RWDD4: variants seen among roughly 807,000 people sequenced by gnomAD.
RWDD4 encodes the protein RWD domain containing 4.
RWDD4 carries 16 observed loss-of-function variants against 30.0 expected under a neutral mutation model. The ratio of observed to expected loss-of-function variants is 0.53; its 90% CI spans 0.36 to 0.81. The LOEUF (loss-of-function observed/expected upper bound fraction) is 0.81, where lower values mean the gene tolerates loss of function less well. RWDD4 is among the 30% of genes least tolerant of loss of function. The probability of loss-of-function intolerance (pLI) is 0.00; values close to 1 mark genes in which losing one functional copy is unlikely to be tolerated. For missense variants in RWDD4, 170 were observed against 223.9 expected (o/e 0.76, Z 1.54); for synonymous variants, 45 against 72.1 (o/e 0.62, Z 1.90).
At chr4:183,648,249 A>AAAAAAT (rs749539974) in intron 5 of RWDD4, among the ~76,000 whole-genome samples, 1 of 142,250 alleles carries the variant, frequency 7.0e-6, no homozygotes, top group Non-Finnish European at 1.5e-5. Flanking sequence ...AAGAAAAAAG[A>AAAAAAT]AAAAAAAAAA....
At chr4:183,645,599 C>CAAAA (rs11310523) in intron 7 of RWDD4, among the ~76,000 whole-genome samples, 1 of 111,520 alleles carries the variant, frequency 9.0e-6, no homozygotes, top group African/African-American at 3.4e-5. Context: ...TCTGTCTCTG[C>CAAAA]AAAAAAAAAA....
Position 183,651,110 on chromosome 4 carries a change from A to G in RWDD4, c.237T>C (p.Ser79=), listed in dbSNP as rs758886270. Residue 79 remains serine (S), a synonymous_variant, in exon 4 of 8, where the codon AGT becomes AGC. Transcript: ENST00000326397. The part of the protein sequence containing the change: ...NNTISSAVKQ[S]ILAKLQEAVE... ...CTGCTTCCTGTAGCTTGGCTAATAT[A>G]CTCTGCTTTACAGCTGATGATCTAC... 2.5e-6 allele frequency: 4 copies of G among 1,614,004 alleles called. No individual in the cohort carries two copies. Among genetic ancestry groups the G allele is most frequent in the African/African-American group, 2.7e-5 (2 of 74,940 alleles).
chr4:183,645,179 TTG>T lies in RWDD4; in HGVS notation c.534+1170_534+1171del, dbSNP rs1733944028. Reference sequence around the variant, plus strand: ...TACACTGCTTGTAAATTACCTGTATTTGTGGGTCCTCACTAAAATCCTAATCT... The same window carrying T: ...TACACTGCTTGTAAATTACCTGTATTTGGGTCCTCACTAAAATCCTAATCT... On this transcript the variant is annotated intron_variant, in intron 7 of 7. Transcript: ENST00000326397. 5.3e-5 allele frequency among the ~76,000 whole-genome samples: 8 copies of T among 152,316 alleles called. No homozygotes were observed. In the South Asian group the frequency reaches 1.7e-3, roughly 32 times the overall value.
At chr4:183,653,144 T>C (rs113448682) in intron 2 of RWDD4, among the ~76,000 whole-genome samples, 2,195 of 152,344 alleles carry the variant, frequency 0.014, 26 homozygotes, top group Non-Finnish European at 0.018. Context: ...TGATGTGGCA[T>C]CTTCCCATAG....
chr4:183,641,984 G>C (rs1445589256), intron 7 of RWDD4, among the ~76,000 whole-genome samples: 4 of 151,844 alleles, frequency 2.6e-5, no homozygotes, highest in Non-Finnish European at 5.9e-5. Context: ...CTTTGGCAGG[G>C]GTTGGCAAAT....
chr4:183,647,461 A>G (rs1052501179), intron 5 of RWDD4, among the ~76,000 whole-genome samples: 10 of 152,164 alleles, frequency 6.6e-5, no homozygotes, highest in African/African-American at 2.4e-4. Context: ...GGGGCACATC[A>G]CCAATTTTGG....
rs528406342 is a variant in RWDD4 at position 183,658,025 on chromosome 4, C to T, written c.24+904G>A. On this transcript the variant is annotated intron_variant, in intron 1 of 7. Transcript: ENST00000326397. ...TTCTTTGCTTTGCAGGGAGAAGAAG[C>T]TATTAACGCATTCACTTAGAAATTC... Among the ~76,000 whole-genome samples the T allele has an allele frequency of 9.2e-5, 14 of 152,312 alleles. 1 individual carries two copies. The South Asian group carries it at 2.9e-3, about 32-fold the overall frequency.
chr4:183,649,291 A>T lies in RWDD4; in HGVS notation c.481+160T>A, dbSNP rs561796261. Among the ~76,000 whole-genome samples, 123 of 152,180 alleles carry T rather than the reference A, an allele frequency of 8.1e-4. 2 individuals are homozygous for T. Among genetic ancestry groups the T allele is most frequent in the Non-Finnish European group, 9.1e-4 (62 of 67,996 alleles). ...TAGCCAGGTGTGGTGGCATGCGCCT[A>T]TAATCCCAACTACTCGGGAGGCTGA... is the stretch of plus-strand genomic sequence containing the variant. On this transcript the variant is annotated intron_variant, in intron 5 of 7. Transcript: ENST00000326397.
chr4:183,650,945 C>T (rs776397053), intron 4 of RWDD4, 39 bp downstream of exon 4: 15 of 1,587,584 alleles, frequency 9.4e-6, no homozygotes, highest in Non-Finnish European at 1.3e-5. Flanking sequence ...AAAACCAAAA[C>T]AACAAAAGAA....
intron 2 of RWDD4, among the ~76,000 whole-genome samples, chr4:183,654,770 A>C (rs1450864004): frequency 6.6e-6 from 1 of 152,160 alleles, no homozygotes; most frequent in East Asian, 1.9e-4. Context: ...AGATGGTGTA[A>C]GGACTGTTAA....
At chr4:183,658,551 G>GC (rs1734269314) in intron 1 of RWDD4, among the ~76,000 whole-genome samples, 1 of 152,296 alleles carries the variant, frequency 6.6e-6, no homozygotes, top group East Asian at 1.9e-4. Context: ...CCCTCTACTA[G>GC]CCAAGAGATT....
At chr4:183,654,200 A>G (rs1734138809) in intron 2 of RWDD4, among the ~76,000 whole-genome samples, 1 of 152,226 alleles carries the variant, frequency 6.6e-6, no homozygotes, top group African/African-American at 2.4e-5. Context: ...AGAAACAAAC[A>G]GAAGGATTTG....
intron 7 of RWDD4, among the ~76,000 whole-genome samples, chr4:183,642,000 G>C (rs1036498290): frequency 2.6e-5 from 4 of 151,890 alleles, no homozygotes; most frequent in African/African-American, 9.7e-5. Context: ...CAAATTTGGG[G>C]TAAGGGGAGG....
chr4:183,658,450 G>T (rs1166176278), intron 1 of RWDD4, among the ~76,000 whole-genome samples: 3 of 152,142 alleles, frequency 2.0e-5, no homozygotes, highest in Non-Finnish European at 2.9e-5. Context: ...CAGACAGATG[G>T]GTAAAAGATT....
At chr4:183,655,851 C>A (rs1384071300) in intron 2 of RWDD4, 30 bp downstream of exon 2, 9 of 1,412,660 alleles carry the variant, frequency 6.4e-6, no homozygotes, top group Non-Finnish European at 7.9e-6. Flanking sequence ...TAGAAAAGTT[C>A]TAAGTGCTCT....
chr4:183,648,880 G>C (rs1734018556), intron 5 of RWDD4, among the ~76,000 whole-genome samples: 1 of 150,076 alleles, frequency 6.7e-6, no homozygotes, highest in Non-Finnish European at 1.5e-5. Context: ...GAGTTTTGCT[G>C]TTGTTGCCCA....
chr4:183,654,912 T>A (rs114652073), intron 2 of RWDD4, among the ~76,000 whole-genome samples: 10,257 of 150,862 alleles, frequency 0.068, 1,149 homozygotes, highest in African/African-American at 0.24. Context: ...CAAAAAAAAC[T>A]TCCCCATTCC....
At chr4:183,653,820 C>T (rs1734130578) in intron 2 of RWDD4, 1 of 152,242 alleles carries the variant, frequency 6.6e-6, no homozygotes, top group African/African-American at 2.4e-5. Flanking sequence ...ATGCCTCACA[C>T]TGTGCTGGGT....
At chr4:183,650,537 C>T (rs1477886643) in intron 4 of RWDD4, among the ~76,000 whole-genome samples, 1 of 152,088 alleles carries the variant, frequency 6.6e-6, no homozygotes, top group African/African-American at 2.4e-5. Context: ...AATAATAAAA[C>T]AATTTTTTCT....
Sources: gnomAD v4.1 joint callset for allele counts (sites outside exome capture counted in the v4.1 genomes callset) on GRCh38, gnomAD v4.1.1 for gene constraint, MANE v1.5 for transcripts, NCBI Gene and HGNC (gene_info 2026-07-23, HGNC 2026-07-21) for gene names.